RNMT: variants seen among roughly 807,000 people sequenced by gnomAD.
The protein encoded by RNMT is RNA guanine-7 methyltransferase.
A neutral mutation model predicts 56.0 loss-of-function variants in RNMT; 27 were observed. That is an observed-to-expected ratio of 0.48 (90% CI 0.36 to 0.67). The LOEUF (loss-of-function observed/expected upper bound fraction) is 0.67. Ranked by LOEUF, RNMT falls within the 30% of genes least tolerant of loss-of-function variation. The probability of loss-of-function intolerance (pLI) is 0.00; values close to 1 mark genes in which losing one functional copy is unlikely to be tolerated. For synonymous variants in RNMT, 184 were observed against 176.2 expected (o/e 1.04, Z -0.35); for missense variants, 519 against 552.1 (o/e 0.94, Z 0.60).
At chr18:13,750,183 A>G (rs1350869316) in intron 9 of RNMT, among the ~76,000 whole-genome samples, 1 of 152,164 alleles carries the variant, frequency 6.6e-6, no homozygotes, top group Non-Finnish European at 1.5e-5. Context: ...AAAACACAGC[A>G]TGTTTTTCTG....
Position 13,760,417 on chromosome 18 carries a change from A to C in RNMT, c.*438A>C. ...GTTTTGTTATATAGCATTTTTCAAC[A>C]TTTAATGGTCTGTACAGTTGAATGT... is the stretch of plus-strand genomic sequence containing the variant. On this transcript the variant is annotated 3_prime_UTR_variant, in exon 12 of 12. Transcript: ENST00000383314. 1.0e-6 allele frequency: 1 copy of C among 989,248 alleles called. No homozygotes were observed. The highest frequency in any genetic ancestry group is 4.7e-5 in the South Asian group (1 of 21,478). 61.3% of individuals were successfully genotyped at this position (989,248 alleles called of 1,614,324 possible).
chr18:13,755,432 A>T (rs2044526529), intron 11 of RNMT, among the ~76,000 whole-genome samples: 1 of 152,248 alleles, frequency 6.6e-6, no homozygotes, highest in African/African-American at 2.4e-5. Flanking sequence ...GTAGAGTATT[A>T]TATCTCCTTT....
intron 9 of RNMT, among the ~76,000 whole-genome samples, chr18:13,747,079 A>G (rs2044364132): frequency 6.6e-6 from 1 of 152,230 alleles, no homozygotes; most frequent in Non-Finnish European, 1.5e-5. Context: ...GATCAGTAGA[A>G]TCATATTCAT....
chr18:13,743,020 G>A, intron 8 of RNMT: 1 of 161,422 alleles, frequency 6.2e-6, no homozygotes, highest in Non-Finnish European at 1.3e-5. Context: ...GATAAACAAT[G>A]AGTCTTCATA....
chr18:13,732,575 G>T (rs911667099), intron 3 of RNMT, among the ~76,000 whole-genome samples: 1 of 151,936 alleles, frequency 6.6e-6, no homozygotes, highest in African/African-American at 2.4e-5. Context: ...TTTTCATCTG[G>T]AAGTACCACA....
chr18:13,746,320 C>T lies in RNMT; in HGVS notation c.1240C>T (p.Arg414Ter), dbSNP rs764556627. The change falls in exon 9 of 12, where the codon CGA becomes TGA. Residue 414 changes from arginine (R) to a stop codon, truncating the protein, a stop_gained. Transcript: ENST00000383314. LOFTEE classifies it high-confidence loss of function. Reference sequence around the variant, plus strand: ...CAATGAAAATAAAATGCTCTTAAAACGAATGCAGGCCTTGGAGGTGAGTAT... The same window carrying T: ...CAATGAAAATAAAATGCTCTTAAAATGAATGCAGGCCTTGGAGGTGAGTAT... ...KNNENKMLLKRMQALEPYPAN... is the reference protein window; with the variant it reads ...KNNENKMLLK 5.9e-6 allele frequency: 9 copies of T among 1,535,760 alleles called. No homozygotes were observed. The highest frequency in any genetic ancestry group is 4.5e-5 in the East Asian group (2 of 44,436).
chr18:13,752,116 C>T (rs2044458872), intron 9 of RNMT, among the ~76,000 whole-genome samples: 1 of 151,764 alleles, frequency 6.6e-6, no homozygotes, highest in Non-Finnish European at 1.5e-5. Context: ...ATAATATACC[C>T]TAGTATAATA....
chr18:13,732,785 T>C (rs1405354188), intron 3 of RNMT, among the ~76,000 whole-genome samples: 2 of 129,094 alleles, frequency 1.5e-5, no homozygotes, highest in African/African-American at 2.9e-5. Flanking sequence ...TCACTCTGTC[T>C]CCTAGGCTAG....
chr18:13,728,043 G>A (rs888556689), intron 1 of RNMT, among the ~76,000 whole-genome samples: 4 of 152,304 alleles, frequency 2.6e-5, no homozygotes, highest in Admixed American at 2.0e-4. Flanking sequence ...ACTTGAGACT[G>A]CAGATATTTC....
At chr18:13,754,558 TAC>T (rs963189220) in intron 11 of RNMT, among the ~76,000 whole-genome samples, 4 of 152,204 alleles carry the variant, frequency 2.6e-5, no homozygotes, top group South Asian at 4.2e-4. Context: ...TGTTTGTGTT[TAC>T]ACACACACAC....
rs148574519 is a variant in RNMT, at chr18:13,757,047, T to C, written c.1394-2895T>C. On this transcript the variant is annotated intron_variant, in intron 11 of 11. Transcript: ENST00000383314. ...AAAGCAAGTCACTCAGATTTTTTGG[T>C]TTCCCAGTGCATATAAAAGTTATGT... 8.1e-3 allele frequency among the ~76,000 whole-genome samples: 1,237 copies of C among 152,320 alleles called. 9 individuals are homozygous for C. Among genetic ancestry groups the C allele is most frequent in the Non-Finnish European group, 0.012 (821 of 68,028 alleles).
At chr18:13,734,703 TC>T (rs2044130677) in intron 4 of RNMT, 104 bp downstream of exon 4, 2 of 930,798 alleles carry the variant, frequency 2.1e-6, no homozygotes, top group East Asian at 5.2e-5. Flanking sequence ...GAAGACAAAT[TC>T]TTCTAATATT....
At chr18:13,749,284 A>G (rs73958031) in intron 9 of RNMT, among the ~76,000 whole-genome samples, 1,734 of 152,340 alleles carry the variant, frequency 0.011, 37 homozygotes, top group African/African-American at 0.04. Flanking sequence ...GCTTTGTGAT[A>G]TGGTAAAACT....
chr18:13,728,058 A>G (rs932513250), intron 1 of RNMT, among the ~76,000 whole-genome samples: 1 of 152,146 alleles, frequency 6.6e-6, no homozygotes, highest in African/African-American at 2.4e-5. Context: ...TATTTCTTAG[A>G]TATACTGATT....
At position 13,746,184 on chromosome 18, in the gene RNMT, TG is replaced by T. The variant is rs575003667; in HGVS notation, c.1140-34del. ...AGTAAGTTGAGGAATTACAAACATG[TG>T]GAAGCTTTTTCATTAAGTATTCTTT... On this transcript the variant is annotated intron_variant, in intron 8 of 11. Transcript: ENST00000383314. 283 of 1,075,426 alleles carry T rather than the reference TG, an allele frequency of 2.6e-4. 2 individuals carry two copies. In the African/African-American group the frequency reaches 4.2e-3, roughly 16 times the overall value. The allele number at this position is 1,075,426 out of a possible 1,614,324, so 66.6% of individuals were successfully genotyped here. A position where few individuals can be genotyped will look rare whatever the true frequency, so the allele number is the denominator to read the frequency against.
intron 9 of RNMT, 22 bp downstream of exon 9, chr18:13,746,359 A>G: frequency 7.5e-7 from 1 of 1,336,208 alleles, no homozygotes; most frequent in Non-Finnish European, 1.1e-6. Context: ...GAAAAGATGT[A>G]CAAATTTCAG....
At position 13,762,154 on chromosome 18, in the gene RNMT, C is replaced by T; in HGVS notation, c.*2175C>T. The T allele has an allele frequency of 1.3e-6, 2 of 1,531,586 alleles. No individual in the cohort carries two copies. The highest frequency in any genetic ancestry group is 1.7e-6 in the Non-Finnish European group (2 of 1,144,952). 94.9% of individuals were successfully genotyped at this position (1,531,586 alleles called of 1,614,324 possible). A position where few individuals can be genotyped will look rare whatever the true frequency, so the allele number is the denominator to read the frequency against. On this transcript the variant is annotated 3_prime_UTR_variant, in exon 12 of 12. Transcript: ENST00000383314. ...CTCCCAGACCTGCCATGCAGTTTAT[C>T]CTCTGAGAATGGAATTGGAAATGAA...
Position 13,734,481 on chromosome 18 carries a change from C to T in RNMT, c.435C>T (p.His145=), listed in dbSNP as rs866209357. Reference sequence around the variant, plus strand: ...ATTTTCAGAATCTGGAAGAAGGACACAGCTCAACAGTGGCTGCCCATTACA... The same window carrying T: ...ATTTTCAGAATCTGGAAGAAGGACATAGCTCAACAGTGGCTGCCCATTACA... ...PEKQKNLEEG[H]SSTVAAHYNE... is the part of the protein sequence containing the mutation. Residue 145 remains histidine (H), a synonymous_variant, in exon 4 of 12, where the codon CAC becomes CAT. Coordinates refer to ENST00000383314, the MANE Select transcript of RNMT (RefSeq NM_003799.3). 3 of 1,610,582 alleles carry T rather than the reference C, an allele frequency of 1.9e-6. No homozygotes were observed. Among genetic ancestry groups the T allele is most frequent in the Non-Finnish European group, 2.5e-6 (3 of 1,178,892 alleles).
chr18:13,738,900 A>G (rs927491700), intron 5 of RNMT, among the ~76,000 whole-genome samples: 2 of 151,870 alleles, frequency 1.3e-5, no homozygotes, highest in Non-Finnish European at 2.9e-5. Flanking sequence ...AAGCGGGGGG[A>G]TGGAATTCTA....
Sources: allele counts gnomAD v4.1 joint callset (sites outside exome capture counted in the v4.1 genomes callset), GRCh38; gene constraint gnomAD v4.1.1; transcripts MANE v1.5; gene names NCBI Gene and HGNC (gene_info 2026-07-23, HGNC 2026-07-21).